Variants in IPO11 observed in about 807,000 individuals in gnomAD.
IPO11 encodes the protein importin-11.
IPO11 carries 66 observed loss-of-function variants against 143.2 expected under a neutral mutation model. That is an observed-to-expected ratio of 0.46 (90% confidence interval 0.38 to 0.57). IPO11 has a LOEUF of 0.57. Ranked by LOEUF, IPO11 falls within the 20% of genes least tolerant of loss-of-function variation. The pLI, the probability that IPO11 is intolerant of heterozygous loss-of-function variation, is 0.00. For missense variants in IPO11, 1,026 were observed against 1,141.0 expected, an observed-to-expected ratio of 0.90 and a Z score of 1.45; for synonymous variants, 385 against 377.8, an observed-to-expected ratio of 1.02 and a Z score of -0.22.
rs368769116 is a variant in IPO11 at position 62,527,313 on chromosome 5, GCTTT to G, written c.2012+1059_2012+1062del. Reference sequence around the variant, plus strand: ...CAGGACCAGATATTAAATATTTTGGGCTTTCTAAGTCACACAGTCTTTGTTGCAA... The same window carrying G: ...CAGGACCAGATATTAAATATTTTGGGCTAAGTCACACAGTCTTTGTTGCAA... On this transcript the variant is annotated intron_variant, in intron 21 of 29. Coordinates refer to ENST00000325324, the MANE Select transcript of IPO11 (RefSeq NM_016338.5). 6.0e-3 allele frequency among the ~76,000 whole-genome samples: 908 copies of G among 152,242 alleles called. 3 individuals carry two copies. Among genetic ancestry groups the G allele is most frequent in the South Asian group, 0.019 (94 of 4,822 alleles).
At chr5:62,540,441 A>C (rs1742891988) in intron 24 of IPO11, among the ~76,000 whole-genome samples, 1 of 152,086 alleles carries the variant, frequency 6.6e-6, no homozygotes, top group Non-Finnish European at 1.5e-5. Flanking sequence ...AATTGACCTT[A>C]CCCCCATCCC....
At chr5:62,450,815 A>G (rs890883752) in intron 4 of IPO11, among the ~76,000 whole-genome samples, 1 of 152,184 alleles carries the variant, frequency 6.6e-6, no homozygotes, top group Non-Finnish European at 1.5e-5. Context: ...TAAGAATAAA[A>G]TAAGTTTTAC....
chr5:62,623,496 A>G (rs1289537185), intron 29 of IPO11, among the ~76,000 whole-genome samples: 1 of 152,172 alleles, frequency 6.6e-6, no homozygotes, highest in African/African-American at 2.4e-5. Flanking sequence ...CACACAAGAA[A>G]GAATTCAGGT....
In IPO11 at chr5:62,449,998, A is replaced by G; in HGVS notation, c.311A>G (p.Gln104Arg). The G allele has an allele frequency of 6.3e-7, 1 of 1,583,702 alleles. No individual in the cohort carries two copies. Among genetic ancestry groups the G allele is most frequent in the Non-Finnish European group, 8.6e-7 (1 of 1,166,562 alleles). The change falls in exon 4 of 30, where the codon CAG (glutamine) becomes CGG (arginine). Residue 104 changes from glutamine to arginine, a missense_variant and splice_region_variant. Around this residue, in one of 5 missense-constraint regions of IPO11, gnomAD observed 429 missense variants for 456.3 expected, o/e 0.94. Transcript: ENST00000325324. ...LITNFNEPIN[Q>R]IATQIAVLIA... ...ACCAACTTCAATGAACCAATAAACC[A>G]GGTTAGTGAGAAATGAATGCTAATT... is the stretch of plus-strand genomic sequence containing the variant.
chr5:62,441,125 G>A (rs1483874156), intron 2 of IPO11, among the ~76,000 whole-genome samples: 1 of 152,064 alleles, frequency 6.6e-6, no homozygotes, highest in East Asian at 1.9e-4. Flanking sequence ...TTATTATTTG[G>A]ATTAACATAA....
intron 9 of IPO11, among the ~76,000 whole-genome samples, chr5:62,480,585 T>G (rs1314131569): frequency 6.7e-6 from 1 of 150,032 alleles, no homozygotes; most frequent in Non-Finnish European, 1.5e-5. Flanking sequence ...TGGAATGTTC[T>G]TCTATTTGTT....
chr5:62,454,149 TAAA>T (rs1184797836), intron 5 of IPO11, among the ~76,000 whole-genome samples: 2 of 151,962 alleles, frequency 1.3e-5, no homozygotes, highest in Non-Finnish European at 2.9e-5. Context: ...AAAAAATAAA[TAAA>T]TAAATAGCCA....
In IPO11 at chr5:62,452,661, T is replaced by TTGTG. The variant is rs1452406367; in HGVS notation, c.516+728_516+729insTGTG. On this transcript the variant is annotated intron_variant, in intron 5 of 29. Transcript: ENST00000325324. Reference sequence around the variant, plus strand: ...TTGCACCTTTTTTTTGGTTTTGGGTTCGTGTGTGTGTGTGTGTGTGTGTGT... The same window carrying TTGTG: ...TTGCACCTTTTTTTTGGTTTTGGGTTTGTGCGTGTGTGTGTGTGTGTGTGTGTGT... Among the ~76,000 whole-genome samples, 34 of 89,122 alleles carry TTGTG rather than the reference T, an allele frequency of 3.8e-4. 2 individuals are homozygous for TTGTG. Among genetic ancestry groups the TTGTG allele is most frequent in the Admixed American group, 1.1e-3 (10 of 8,862 alleles). The allele number at this position is 89,122 out of a possible 152,430, so 58.5% of individuals were successfully genotyped here. A position where few individuals can be genotyped will look rare whatever the true frequency, so the allele number is the denominator to read the frequency against.
rs1055886322 is a variant in IPO11, at chr5:62,442,762, G to A, written c.139-221G>A. Among the ~76,000 whole-genome samples, 3 of 152,204 alleles carry A rather than the reference G, an allele frequency of 2.0e-5. No individual in the cohort carries two copies. The South Asian group carries it at 6.2e-4, about 32-fold the overall frequency. On this transcript the variant is annotated intron_variant, in intron 2 of 29. Transcript: ENST00000325324. ...ACCTGTAACCCCAGCTACTTGGGAG[G>A]CTGAGGCAGGAGAATCTCTTGAACC...
chr5:62,567,174 G>A (rs1385073504), intron 27 of IPO11, among the ~76,000 whole-genome samples: 1 of 152,170 alleles, frequency 6.6e-6, no homozygotes, highest in Non-Finnish European at 1.5e-5. Flanking sequence ...CATGTTTGAA[G>A]TATATTTCTG....
At chr5:62,435,144 G>GTGTATATATATGTGTA (rs1554047221) in intron 1 of IPO11, among the ~76,000 whole-genome samples, 2 of 64,992 alleles carry the variant, frequency 3.1e-5, no homozygotes, top group African/African-American at 1.2e-4. Context: ...ATGTATATAT[G>GTGTATATATATGTGTA]TATATATGTA....
intron 8 of IPO11, among the ~76,000 whole-genome samples, chr5:62,476,327 T>A (rs1580223099): frequency 6.6e-6 from 1 of 152,090 alleles, no homozygotes; most frequent in East Asian, 1.9e-4. Flanking sequence ...ATAGGAAAAA[T>A]GATAATGAGT....
rs369910243 is a variant in IPO11 at position 62,506,170 on chromosome 5, T to A, written c.1666-71T>A. ...GACATTATGATTTATTTCTTACTTC[T>A]GTTCGTATGAATGTAGAGGTCTTTC... On this transcript the variant is annotated intron_variant, in intron 18 of 29. Transcript: ENST00000325324. 110 of 745,532 alleles carry A rather than the reference T, an allele frequency of 1.5e-4. No homozygotes were observed. In the East Asian group the frequency reaches 2.6e-3, roughly 18 times the overall value. 46.2% of individuals were successfully genotyped at this position (745,532 alleles called of 1,614,324 possible).
intron 5 of IPO11, among the ~76,000 whole-genome samples, chr5:62,459,379 C>T (rs1192831210): frequency 8.0e-6 from 1 of 124,936 alleles, no homozygotes; most frequent in Admixed American, 7.3e-5. Context: ...ATTTTTGAGA[C>T]TCTGTCTCAA....
chr5:62,532,351 G>A (rs191381166), intron 22 of IPO11, among the ~76,000 whole-genome samples: 203 of 150,834 alleles, frequency 1.3e-3, no homozygotes, highest in African/African-American at 4.7e-3. Context: ...GTGGTGGTTC[G>A]TTTGTTTGTT....
chr5:62,417,398 G>T (rs1395800374), intron 1 of IPO11, among the ~76,000 whole-genome samples: 4 of 142,356 alleles, frequency 2.8e-5, no homozygotes, highest in Non-Finnish European at 6.0e-5. Flanking sequence ...TGATGTAGTG[G>T]TGATCACCAT....
At position 62,628,516 on chromosome 5, in the gene IPO11, G is replaced by T. The variant is rs1489315447; in HGVS notation, c.*1198G>T. On this transcript the variant is annotated 3_prime_UTR_variant, in exon 30 of 30. Transcript: ENST00000325324. ...AAGCTGTGGAACCCAAACTGTATGG[G>T]GATATTTGATGTTTTCAGAAAGAGG... The T allele has an allele frequency of 6.6e-6, 1 of 152,476 alleles. No individual in the cohort carries two copies. Among genetic ancestry groups the T allele is most frequent in the Non-Finnish European group, 1.5e-5 (1 of 68,008 alleles). The allele number at this position is 152,476 out of a possible 1,614,324, so 9.4% of individuals were successfully genotyped here. A position where few individuals can be genotyped will look rare whatever the true frequency, so the allele number is the denominator to read the frequency against.
intron 15 of IPO11, among the ~76,000 whole-genome samples, chr5:62,493,431 GTTCT>G (rs1741017882): frequency 6.6e-6 from 1 of 152,168 alleles, no homozygotes; most frequent in South Asian, 2.1e-4. Context: ...CTACATTGCG[GTTCT>G]TTAAGATAAA....
intron 9 of IPO11, among the ~76,000 whole-genome samples, chr5:62,478,167 G>T (rs1333646428): frequency 1.3e-5 from 2 of 151,848 alleles, no homozygotes; most frequent in African/African-American, 2.4e-5. Flanking sequence ...GTTTTGTTTT[G>T]TGTGTGTGTA....
Sources: allele counts gnomAD v4.1 joint callset (sites outside exome capture counted in the v4.1 genomes callset), GRCh38; gene constraint gnomAD v4.1.1; regional missense constraint gnomAD v4.1.1; transcripts MANE v1.5; gene names NCBI Gene and HGNC (gene_info 2026-07-23, HGNC 2026-07-21).